The following GRM8 variants were observed in gnomAD, a reference collection of about 807,000 sequenced individuals.
GRM8 encodes metabotropic glutamate receptor 8.
A neutral mutation model predicts 87.2 loss-of-function variants in GRM8; 47 were observed. That is an observed-to-expected ratio of 0.54 (90% CI 0.43 to 0.69). The LOEUF (loss-of-function observed/expected upper bound fraction) is 0.69, where lower values mean the gene tolerates loss of function less well. Among genes scored for constraint, GRM8 ranks in the 30% least tolerant of loss-of-function variants. GRM8 has a pLI of 0.00. For missense variants in GRM8, 1,019 were observed against 1,139.2 expected (o/e 0.89, Z 1.52); for synonymous variants, 396 against 404.5 (o/e 0.98, Z 0.25).
At chr7:126,975,214 GTCATGT>G (rs1216420388) in intron 3 of GRM8, among the ~76,000 whole-genome samples, 1 of 152,126 alleles carries the variant, frequency 6.6e-6, no homozygotes, top group Non-Finnish European at 1.5e-5. Flanking sequence ...ACATGAACTG[GTCATGT>G]TCATGACCAG....
chr7:126,937,874 G>A (rs1013987381), intron 3 of GRM8, among the ~76,000 whole-genome samples: 3 of 152,264 alleles, frequency 2.0e-5, no homozygotes, highest in African/African-American at 7.2e-5. Flanking sequence ...AATGGGCTTT[G>A]GTTTGCCTCT....
chr7:126,448,498 T>A (rs1210577209), intron 9 of GRM8, among the ~76,000 whole-genome samples: 2 of 151,994 alleles, frequency 1.3e-5, no homozygotes, highest in African/African-American at 4.8e-5. Context: ...TCCTGCCAAA[T>A]ATTAGACATG....
intron 3 of GRM8, among the ~76,000 whole-genome samples, chr7:126,952,142 A>G (rs1563348463): frequency 6.6e-6 from 1 of 152,040 alleles, no homozygotes; most frequent in Non-Finnish European, 1.5e-5. Context: ...AGTGTTCAAA[A>G]AAATAAATAA....
At chr7:127,113,423 A>G (rs930466482) in intron 2 of GRM8, among the ~76,000 whole-genome samples, 1 of 152,152 alleles carries the variant, frequency 6.6e-6, no homozygotes, top group Non-Finnish European at 1.5e-5. Context: ...ACAGAAGACA[A>G]TTTAAGACCT....
At chr7:126,748,607 T>A (rs1210413530) in intron 7 of GRM8, among the ~76,000 whole-genome samples, 1 of 149,834 alleles carries the variant, frequency 6.7e-6, no homozygotes, top group African/African-American at 2.4e-5. Context: ...GTCGGGTTTT[T>A]TTTTTTTTTT....
At chr7:127,078,368 C>G (rs983490290) in intron 3 of GRM8, among the ~76,000 whole-genome samples, 3 of 152,198 alleles carry the variant, frequency 2.0e-5, no homozygotes, top group African/African-American at 7.2e-5. Flanking sequence ...TTTAGCTCCT[C>G]TAGCACAGTT....
chr7:127,111,986 C>T (rs1480000819), intron 2 of GRM8, among the ~76,000 whole-genome samples: 1 of 151,318 alleles, frequency 6.6e-6, no homozygotes, highest in Non-Finnish European at 1.5e-5. Context: ...CGAAATCACA[C>T]CATTGCAATC....
At chr7:126,448,752 A>T (rs1459057890) in intron 9 of GRM8, among the ~76,000 whole-genome samples, 1 of 151,902 alleles carries the variant, frequency 6.6e-6, no homozygotes, top group Non-Finnish European at 1.5e-5. Context: ...CAGGAAAGGC[A>T]TCTAACAAAA....
At chr7:127,182,615 GTAGA>G (rs1172751939) in intron 2 of GRM8, among the ~76,000 whole-genome samples, 2 of 149,120 alleles carry the variant, frequency 1.3e-5, no homozygotes, top group African/African-American at 4.9e-5. Context: ...AAATCAATGA[GTAGA>G]TAAAGAAAGT....
chr7:126,777,623 A>C (rs965522578), intron 6 of GRM8, among the ~76,000 whole-genome samples: 21 of 152,224 alleles, frequency 1.4e-4, no homozygotes, highest in Non-Finnish European at 2.6e-4. Flanking sequence ...TAATCTTTAA[A>C]GACAATAGTG....
intron 9 of GRM8, among the ~76,000 whole-genome samples, chr7:126,490,982 T>C (rs1348154095): frequency 6.6e-6 from 1 of 152,078 alleles, no homozygotes; most frequent in African/African-American, 2.4e-5. Context: ...TCCAAACTTA[T>C]ACTCTTTCTC....
intron 6 of GRM8, among the ~76,000 whole-genome samples, chr7:126,791,595 T>C (rs1329654753): frequency 1.3e-5 from 2 of 152,230 alleles, no homozygotes; most frequent in Non-Finnish European, 2.9e-5. Context: ...TGACTTGTAA[T>C]GTCTATTGCA....
At chr7:126,861,376 A>G (rs982157377) in intron 6 of GRM8, among the ~76,000 whole-genome samples, 3 of 152,028 alleles carry the variant, frequency 2.0e-5, no homozygotes, top group Non-Finnish European at 2.9e-5. Context: ...ATTAAAATCA[A>G]TGCAGCTATT....
chr7:126,482,910 T>A (rs1806869321), intron 9 of GRM8, among the ~76,000 whole-genome samples: 1 of 151,910 alleles, frequency 6.6e-6, no homozygotes, highest in Admixed American at 6.6e-5. Context: ...GAGTTTAATC[T>A]GGTAAATTCT....
chr7:127,103,914 T>A (rs1452740519), intron 3 of GRM8, among the ~76,000 whole-genome samples: 1 of 152,136 alleles, frequency 6.6e-6, no homozygotes, highest in East Asian at 1.9e-4. Flanking sequence ...TGAGGTCTGA[T>A]CAATGACCAC....
chr7:126,499,389 T>G (rs1022881758), intron 9 of GRM8, among the ~76,000 whole-genome samples: 1 of 149,926 alleles, frequency 6.7e-6, no homozygotes, highest in Non-Finnish European at 1.5e-5. Context: ...AAAACCATTT[T>G]GGAAAATAGT....
intron 6 of GRM8, among the ~76,000 whole-genome samples, chr7:126,771,496 A>AC (rs1415451865): frequency 6.6e-6 from 1 of 150,998 alleles, no homozygotes; most frequent in Non-Finnish European, 1.5e-5. Context: ...TTCATCCCCA[A>AC]CCTCAGAATC....
At chr7:126,996,549 A>G (rs1248525435) in intron 3 of GRM8, among the ~76,000 whole-genome samples, 2 of 152,060 alleles carry the variant, frequency 1.3e-5, no homozygotes, top group African/African-American at 4.8e-5. Flanking sequence ...TGCTGCTTAT[A>G]AAAAACATAC....
At chr7:126,565,552 C>T (rs531579043) in intron 8 of GRM8, among the ~76,000 whole-genome samples, 16 of 151,998 alleles carry the variant, frequency 1.1e-4, no homozygotes, top group African/African-American at 3.6e-4. Flanking sequence ...AAGACACAAA[C>T]AAATGGAAAG....
Sources: gnomAD v4.1 joint callset for allele counts (sites outside exome capture counted in the v4.1 genomes callset) on GRCh38, gnomAD v4.1.1 for gene constraint, MANE v1.5 for transcripts, NCBI Gene and HGNC (gene_info 2026-07-23, HGNC 2026-07-21) for gene names.